The following HOOK1 variants were observed in gnomAD, a reference collection of about 807,000 sequenced individuals.
The protein encoded by HOOK1 is protein Hook homolog 1.
A neutral mutation model predicts 112.8 loss-of-function variants in HOOK1; 60 were observed. That is an observed-to-expected ratio of 0.53 (90% confidence interval 0.43 to 0.66). HOOK1 has a LOEUF of 0.66. HOOK1 is among the 30% of genes least tolerant of loss of function. The pLI, the probability that HOOK1 is intolerant of heterozygous loss-of-function variation, is 0.00. For missense variants in HOOK1, 770 were observed against 856.0 expected, an observed-to-expected ratio of 0.90 and a Z score of 1.25; for synonymous variants, 294 against 283.8, an observed-to-expected ratio of 1.04 and a Z score of -0.36.
chr1:59,847,936 G>A (rs1404944373), intron 10 of HOOK1, among the ~76,000 whole-genome samples: 1 of 151,706 alleles, frequency 6.6e-6, no homozygotes, highest in African/African-American at 2.4e-5. Flanking sequence ...TACTTGGAAG[G>A]AAACTATGCT....
intron 2 of HOOK1, among the ~76,000 whole-genome samples, chr1:59,824,270 C>T (rs2098388203): frequency 6.6e-6 from 1 of 150,538 alleles, no homozygotes; most frequent in Non-Finnish European, 1.5e-5. Context: ...TGCAGTGGTA[C>T]AATCACGGCC....
intron 12 of HOOK1, among the ~76,000 whole-genome samples, chr1:59,855,996 T>G (rs1271468845): frequency 2.3e-5 from 3 of 130,572 alleles, no homozygotes; most frequent in African/African-American, 9.1e-5. Context: ...TTTTTTTTTT[T>G]TTTTTTTTTT....
At chr1:59,835,526 C>T (rs527267983) in intron 6 of HOOK1, 114 bp downstream of exon 6, 3 of 650,252 alleles carry the variant, frequency 4.6e-6, no homozygotes, top group East Asian at 2.8e-5. Context: ...AAGTTTACTT[C>T]CCCTTAGCTA....
chr1:59,864,761 C>A, intron 17 of HOOK1, 95 bp downstream of exon 17: 2 of 797,678 alleles, frequency 2.5e-6, no homozygotes, highest in Non-Finnish European at 4.1e-6. Flanking sequence ...TCTAGAAAAG[C>A]AAATATCCTG....
intron 1 of HOOK1, among the ~76,000 whole-genome samples, chr1:59,816,460 C>T (rs2098381600): frequency 6.6e-6 from 1 of 152,138 alleles, no homozygotes; most frequent in Non-Finnish European, 1.5e-5. Flanking sequence ...TTAAAACAGA[C>T]TAATTAAAGG....
chr1:59,828,907 C>T, intron 3 of HOOK1, 55 bp downstream of exon 3: 1 of 1,362,236 alleles, frequency 7.3e-7, no homozygotes, highest in African/African-American at 1.4e-5. Flanking sequence ...CTAAAGTTAG[C>T]ACTAAGTTAA....
Position 59,821,890 on chromosome 1 carries a change from A to G in HOOK1, c.96A>G (p.Gln32=), listed in dbSNP as rs780894423. The G allele has an allele frequency of 5.0e-6, 8 of 1,606,262 alleles. No homozygotes were observed. The highest frequency in any genetic ancestry group is 6.8e-6 in the Non-Finnish European group (8 of 1,177,290). Residue 32 remains glutamine, a synonymous_variant, in exon 2 of 22, where the codon CAA becomes CAG. Transcript: ENST00000371208. ...CATTCAATACTGCCTCACCTTGTCA[A>G]GATGTCAAACAGCTGACTAGTGGAG... is the stretch of plus-strand genomic sequence containing the variant. ...LQTFNTASPC[Q]DVKQLTSGVA...
intron 7 of HOOK1, among the ~76,000 whole-genome samples, chr1:59,839,841 CTTA>C (rs1374379318): frequency 6.6e-6 from 1 of 152,086 alleles, no homozygotes; most frequent in Non-Finnish European, 1.5e-5. Context: ...ATAAATAGCT[CTTA>C]TTATGTTTAG....
intron 12 of HOOK1, among the ~76,000 whole-genome samples, chr1:59,857,761 C>T (rs993377440): frequency 6.6e-6 from 1 of 152,146 alleles, no homozygotes; most frequent in Non-Finnish European, 1.5e-5. Flanking sequence ...TAAACATGAA[C>T]GTTCTGTTCG....
chr1:59,855,872 C>G (rs942049862), intron 12 of HOOK1, among the ~76,000 whole-genome samples: 1 of 145,298 alleles, frequency 6.9e-6, no homozygotes, highest in African/African-American at 2.6e-5. Context: ...CCTTGGGCAT[C>G]AAGCAGTCTT....
Position 59,865,232 on chromosome 1 carries a change from T to C in HOOK1, c.1731T>C (p.Asp577=), listed in dbSNP as rs1643941318. The C allele has an allele frequency of 1.3e-6, 2 of 1,597,762 alleles. No homozygotes were observed. The highest frequency in any genetic ancestry group is 4.5e-5 in the East Asian group (2 of 44,764). Residue 577 remains aspartate, a synonymous_variant, in exon 18 of 22, where the codon GAT becomes GAC. Transcript: ENST00000371208. ...KQELIEDLQP[D]INQNVQKINE... Reference sequence around the variant, plus strand: ...AACTCATTGAAGATCTTCAGCCAGATATAAATCAAAATGGTAGGTATCTGT... The same window carrying C: ...AACTCATTGAAGATCTTCAGCCAGACATAAATCAAAATGGTAGGTATCTGT...
chr1:59,837,766 T>TA (rs1185371885), intron 7 of HOOK1, among the ~76,000 whole-genome samples: 2 of 152,156 alleles, frequency 1.3e-5, no homozygotes, highest in Admixed American at 1.3e-4. Context: ...TACATAGGTA[T>TA]ACACATGGCA....
intron 2 of HOOK1, among the ~76,000 whole-genome samples, chr1:59,823,237 G>A (rs181298489): frequency 1.3e-3 from 195 of 152,278 alleles, no homozygotes; most frequent in African/African-American, 4.4e-3. Context: ...GGAGAATGGC[G>A]TGAACCTGGG....
In HOOK1 at chr1:59,815,000, T is replaced by C. The variant is rs1017658273; in HGVS notation, c.-118T>C. On this transcript the variant is annotated 5_prime_UTR_variant, in exon 1 of 22. Transcript: ENST00000371208. The stretch of plus-strand genomic sequence containing the variant: ...AGGGTTCGCGCGTGAGCTGCGCGGG[T>C]CGGGCCTGGTACCGAGCTTTCCTGG... The C allele has an allele frequency of 1.9e-6, 2 of 1,025,760 alleles. No homozygotes were observed. The highest frequency in any genetic ancestry group is 2.9e-6 in the Non-Finnish European group (2 of 694,358). 63.5% of individuals were successfully genotyped at this position (1,025,760 alleles called of 1,614,324 possible).
intron 2 of HOOK1, among the ~76,000 whole-genome samples, chr1:59,825,810 A>C (rs1021978627): frequency 6.6e-6 from 1 of 152,138 alleles, no homozygotes; most frequent in African/African-American, 2.4e-5. Flanking sequence ...GTTGTGTATA[A>C]AGTATAGATA....
chr1:59,817,643 T>A (rs1370304800), intron 1 of HOOK1, among the ~76,000 whole-genome samples: 1 of 152,226 alleles, frequency 6.6e-6, no homozygotes, highest in Admixed American at 6.5e-5. Flanking sequence ...TAAGCTGTTT[T>A]AATGCATCAG....
chr1:59,816,863 C>T (rs1423089168), intron 1 of HOOK1, among the ~76,000 whole-genome samples: 1 of 152,182 alleles, frequency 6.6e-6, no homozygotes, highest in Admixed American at 6.5e-5. Context: ...CAAACTGTTG[C>T]CTCTACTAAT....
At chr1:59,858,320 TTAAAA>T (rs2098411753) in intron 12 of HOOK1, 103 bp from the exon 13 acceptor site, 3 of 753,856 alleles carry the variant, frequency 4.0e-6, no homozygotes, top group African/African-American at 3.5e-5. Flanking sequence ...ACATTGTCAC[TTAAAA>T]TTAAGCAACA....
Position 59,858,535 on chromosome 1 carries a change from GA to G in HOOK1, c.1330+24del, listed in dbSNP as rs756905273. On this transcript the variant is annotated intron_variant, in intron 13 of 21. Coordinates refer to ENST00000371208, the MANE Select transcript of HOOK1 (RefSeq NM_015888.6). ...AAACAGGTTAATTTTGTTAGATTTAGAAAAGTTTCAGCCTGGGCAGCATAGT... is the reference window on the plus strand; with the variant it reads ...AAACAGGTTAATTTTGTTAGATTTAGAAAGTTTCAGCCTGGGCAGCATAGT... The G allele has an allele frequency of 5.1e-6, 8 of 1,554,112 alleles. No individual in the cohort carries two copies. The African/African-American group carries it at 1.1e-4, about 21-fold the overall frequency.
Sources: allele counts gnomAD v4.1 joint callset (sites outside exome capture counted in the v4.1 genomes callset), GRCh38; gene constraint gnomAD v4.1.1; transcripts MANE v1.5; gene names NCBI Gene and HGNC (gene_info 2026-07-23, HGNC 2026-07-21).